The following LINGO2 variants were observed in gnomAD, a reference collection of about 807,000 sequenced individuals.
LINGO2 encodes the protein leucine-rich repeat and immunoglobulin-like domain-containing nogo receptor-interacting protein 2.
In LINGO2, 14 loss-of-function variants were observed where a neutral mutation model predicts 30.6. The ratio of observed to expected loss-of-function variants is 0.46; its 90% CI spans 0.30 to 0.72. LINGO2 has a LOEUF of 0.72. Among genes scored for constraint, LINGO2 ranks in the 30% least tolerant of loss-of-function variants. The probability of loss-of-function intolerance (pLI) is 0.07; values close to 1 mark genes in which losing one functional copy is unlikely to be tolerated. For missense variants in LINGO2, 729 were observed against 751.7 expected, an observed-to-expected ratio of 0.97 and a Z score of 0.35; for synonymous variants, 317 against 288.5, an observed-to-expected ratio of 1.10 and a Z score of -1.00.
chr9:29,115,468 G>C, the LINGO2 span, among the ~76,000 whole-genome samples: 1 of 151,800 alleles, frequency 6.6e-6, no homozygotes, highest in Non-Finnish European at 1.5e-5. Flanking sequence ...TCAAATTTCT[G>C]AATTTTATAT....
At chr9:28,788,405 G>C in the LINGO2 span, among the ~76,000 whole-genome samples, 2 of 152,172 alleles carry the variant, frequency 1.3e-5, no homozygotes, top group Non-Finnish European at 1.5e-5. Context: ...CAATTTGTTA[G>C]AAATACATAC....
At chr9:28,182,440 C>A (rs796154531) in intron 4 of LINGO2, among the ~76,000 whole-genome samples, 2 of 152,112 alleles carry the variant, frequency 1.3e-5, no homozygotes, top group East Asian at 3.9e-4. Flanking sequence ...AAAGCAATTG[C>A]AACACAAGCC....
intron 5 of LINGO2, among the ~76,000 whole-genome samples, chr9:27,951,214 A>C (rs1027649670): frequency 1.3e-5 from 2 of 152,326 alleles, no homozygotes; most frequent in Middle Eastern, 3.4e-3. Context: ...TACAAAACAA[A>C]CTTATATTCA....
At chr9:28,351,078 C>A (rs1819858181) in intron 3 of LINGO2, among the ~76,000 whole-genome samples, 1 of 151,730 alleles carries the variant, frequency 6.6e-6, no homozygotes, top group South Asian at 2.1e-4. Flanking sequence ...CCTAACATCA[C>A]AATTAAAAGA....
the LINGO2 span, among the ~76,000 whole-genome samples, chr9:28,717,612 C>T: frequency 1.3e-5 from 2 of 151,998 alleles, no homozygotes; most frequent in African/African-American, 4.8e-5. Flanking sequence ...CTAAACAATG[C>T]CAATGAATTC....
the LINGO2 span, among the ~76,000 whole-genome samples, chr9:29,173,060 C>A: frequency 2.0e-5 from 3 of 151,944 alleles, no homozygotes; most frequent in Admixed American, 2.0e-4. Context: ...AGATGTTACC[C>A]CATGTGATTC....
chr9:28,853,536 T>C, the LINGO2 span, among the ~76,000 whole-genome samples: 1 of 151,988 alleles, frequency 6.6e-6, no homozygotes, highest in East Asian at 1.9e-4. Flanking sequence ...AACGTAGTAG[T>C]TCATTCTCAC....
the LINGO2 span, among the ~76,000 whole-genome samples, chr9:29,158,754 G>T: frequency 6.6e-6 from 1 of 152,092 alleles, no homozygotes; most frequent in Non-Finnish European, 1.5e-5. Flanking sequence ...GTTTGTGTCT[G>T]TGTGTATATG....
rs1260518228 is a variant in LINGO2, at chr9:28,506,479, C to CACAGACAT, written c.-364-30455_-364-30454insATGTCTGT. 1.7e-3 allele frequency among the ~76,000 whole-genome samples: 19 copies of CACAGACAT among 11,354 alleles called. 1 individual carries two copies. The highest frequency in any genetic ancestry group is 6.4e-3 in the Non-Finnish European group (15 of 2,336). 7.4% of individuals were successfully genotyped at this position (11,354 alleles called of 152,430 possible). A position where few individuals can be genotyped will look rare whatever the true frequency, so the allele number is the denominator to read the frequency against. On this transcript the variant is annotated intron_variant, in intron 1 of 5. Transcript: ENST00000379992. Reference sequence around the variant, plus strand: ...ACATACACATACACACACACACACACATACACATACACACACACACACAGA... The same window carrying CACAGACAT: ...ACATACACATACACACACACACACACACAGACATATACACATACACACACACACACAGA...
At chr9:28,995,199 T>C in the LINGO2 span, among the ~76,000 whole-genome samples, 1 of 151,974 alleles carries the variant, frequency 6.6e-6, no homozygotes, top group Admixed American at 6.6e-5. Context: ...CCCATCAAAA[T>C]CTGGGTGAAG....
intron 2 of LINGO2, among the ~76,000 whole-genome samples, chr9:28,373,934 A>G (rs1821010510): frequency 6.6e-6 from 1 of 151,804 alleles, no homozygotes; most frequent in Non-Finnish European, 1.5e-5. Context: ...GATTCAGACA[A>G]GCATAATAAT....
intron 1 of LINGO2, among the ~76,000 whole-genome samples, chr9:28,664,964 G>C (rs916346813): frequency 4.5e-5 from 6 of 133,186 alleles, no homozygotes; most frequent in Non-Finnish European, 9.6e-5. Context: ...TGACAACAAG[G>C]ACTTCATCTG....
intron 4 of LINGO2, among the ~76,000 whole-genome samples, chr9:28,100,901 C>G (rs545438954): frequency 2.0e-5 from 3 of 152,030 alleles, no homozygotes; most frequent in African/African-American, 4.8e-5. Flanking sequence ...TCGCCACCCA[C>G]GAAAACTACA....
intron 4 of LINGO2, among the ~76,000 whole-genome samples, chr9:28,041,992 G>C (rs1395814806): frequency 5.9e-5 from 9 of 152,044 alleles, no homozygotes; most frequent in Non-Finnish European, 1.3e-4. Context: ...GACTTCCTAA[G>C]CTGTATGGTT....
chr9:28,053,121 TGAGA>T (rs199625187), intron 4 of LINGO2, among the ~76,000 whole-genome samples: 1 of 152,036 alleles, frequency 6.6e-6, no homozygotes, highest in Non-Finnish European at 1.5e-5. Context: ...TAAGGTATAA[TGAGA>T]GTCATAGGAA....
chr9:29,009,512 T>C, the LINGO2 span, among the ~76,000 whole-genome samples: 1 of 152,136 alleles, frequency 6.6e-6, no homozygotes, highest in Non-Finnish European at 1.5e-5. Context: ...TACAAACCAC[T>C]GCTCAACGAA....
the LINGO2 span, among the ~76,000 whole-genome samples, chr9:28,876,815 G>A: frequency 1.3e-5 from 2 of 152,018 alleles, no homozygotes; most frequent in South Asian, 2.1e-4. Flanking sequence ...AGATCCCTGA[G>A]GAATCGCCAC....
At chr9:28,445,947 C>T (rs1401727754) in intron 2 of LINGO2, among the ~76,000 whole-genome samples, 2 of 152,164 alleles carry the variant, frequency 1.3e-5, no homozygotes. Context: ...CCTGACCTCA[C>T]ATATAATTAA....
chr9:29,173,606 A>C, the LINGO2 span, among the ~76,000 whole-genome samples: 1 of 152,258 alleles, frequency 6.6e-6, no homozygotes, highest in East Asian at 1.9e-4. Flanking sequence ...TCTTCGTCTT[A>C]AATATCTGCC....
Sources: allele counts gnomAD v4.1 joint callset (sites outside exome capture counted in the v4.1 genomes callset), GRCh38; gene constraint gnomAD v4.1.1; transcripts MANE v1.5; gene names NCBI Gene and HGNC (gene_info 2026-07-23, HGNC 2026-07-21).